RERE: variants seen among roughly 807,000 people sequenced by gnomAD.
RERE encodes arginine-glutamic acid dipeptide repeats protein.
In RERE, 40 loss-of-function variants were observed where a neutral mutation model predicts 146.1. The ratio of observed to expected loss-of-function variants is 0.27; its 90% CI spans 0.21 to 0.36. The LOEUF is 0.36. Among genes scored for constraint, RERE ranks in the 10% least tolerant of loss-of-function variants. The probability of loss-of-function intolerance (pLI) is 1.00; values close to 1 mark genes in which losing one functional copy is unlikely to be tolerated. For missense variants in RERE, 1,933 were observed against 2,138.7 expected (o/e 0.90, Z 1.90); for synonymous variants, 1,003 against 866.0 (o/e 1.16, Z -2.78).
At chr1:8,449,124 C>T (rs979153243) in intron 11 of RERE, among the ~76,000 whole-genome samples, 1 of 152,182 alleles carries the variant, frequency 6.6e-6, no homozygotes, top group African/African-American at 2.4e-5. Context: ...GGCCTCTCAA[C>T]ACAGTCAAGA....
chr1:8,720,368 A>C (rs1234651962), intron 1 of RERE, among the ~76,000 whole-genome samples: 1 of 152,198 alleles, frequency 6.6e-6, no homozygotes, highest in East Asian at 1.9e-4. Context: ...AGGGAGAAAC[A>C]AACAATAACC....
At chr1:8,393,965 G>C (rs1642969254) in intron 12 of RERE, among the ~76,000 whole-genome samples, 1 of 151,846 alleles carries the variant, frequency 6.6e-6, no homozygotes, top group African/African-American at 2.4e-5. Flanking sequence ...CATGAAGGCT[G>C]GCCACCTCCA....
chr1:8,452,130 C>G (rs1352364113), intron 11 of RERE, among the ~76,000 whole-genome samples: 1 of 152,086 alleles, frequency 6.6e-6, no homozygotes, highest in Non-Finnish European at 1.5e-5. Context: ...CGGTGAAATC[C>G]TATCCATCCT....
At chr1:8,540,131 T>C (rs1429602153) in intron 7 of RERE, among the ~76,000 whole-genome samples, 1 of 152,172 alleles carries the variant, frequency 6.6e-6, no homozygotes. Context: ...TGTCCCTCTG[T>C]CGCCCAGGCT....
rs756904865 is a variant in RERE at position 8,358,649 on chromosome 1, C to T, written c.3886G>A (p.Asp1296Asn). The T allele has an allele frequency of 1.3e-6, 2 of 1,584,840 alleles. No individual in the cohort carries two copies. The highest frequency in any genetic ancestry group is 1.7e-6 in the Non-Finnish European group (2 of 1,165,598). Residue 1296 changes from aspartate (D) to asparagine (N), a missense_variant, in exon 20 of 23, where the codon GAC (aspartate) becomes AAC (asparagine). Asp to Asn is a conservative substitution (Grantham distance 23). Coordinates refer to ENST00000400908, the MANE Select transcript of RERE (RefSeq NM_001042681.2). ...AYHMPGLYNV[D>N]PTIRERELRE... ...AGCTCCCGCTCGCGGATGGTGGGGT[C>T]GACGTTGTAGAGGCCAGGCATGTGG...
chr1:8,545,982 C>CTTTGTTTTTTTT (rs1645855241), intron 6 of RERE, among the ~76,000 whole-genome samples: 1 of 69,466 alleles, frequency 1.4e-5, no homozygotes, highest in Non-Finnish European at 2.5e-5. Flanking sequence ...CATACCCAGT[C>CTTTGTTTTTTTT]TTTTTTTTTT....
intron 6 of RERE, among the ~76,000 whole-genome samples, chr1:8,544,113 A>G (rs540836505): frequency 6.6e-6 from 1 of 152,334 alleles, no homozygotes; most frequent in East Asian, 1.9e-4. Flanking sequence ...ATTGGAAATA[A>G]TTGACTGGTT....
chr1:8,611,799 C>T (rs769223382), intron 4 of RERE, among the ~76,000 whole-genome samples: 5 of 152,174 alleles, frequency 3.3e-5, no homozygotes, highest in Admixed American at 6.5e-5. Flanking sequence ...CCTGCTTTGG[C>T]TAGAGCCTCT....
At chr1:8,637,959 C>T (rs534566555) in intron 2 of RERE, among the ~76,000 whole-genome samples, 49 of 152,114 alleles carry the variant, frequency 3.2e-4, no homozygotes, top group Admixed American at 6.6e-5. Flanking sequence ...CTGTTTAGAA[C>T]GGAGAATATT....
rs772665907 is a variant in RERE, at chr1:8,497,486, T to C, written c.923A>G (p.Asp308Gly). The part of the protein sequence containing the change: ...DLQPFPSPDG[D>G]TVTQHEELVW... ...CAGTTCCTCATGTTGGGTCACTGTA[T>C]CACCATCTGGAGAAGGAAATGGTTG... The change falls in exon 9 of 23, where the codon GAT becomes GGT. Residue 308 changes from aspartate (D) to glycine (G), a missense_variant. By Grantham distance (94) the Asp-to-Gly change is moderately conservative (BLOSUM62 -1). Around this residue, in one of 11 missense-constraint regions of RERE, gnomAD observed 260 missense variants for 378.4 expected, o/e 0.69. Transcript: ENST00000400908. The C allele has an allele frequency of 6.2e-7, 1 of 1,614,112 alleles. No homozygotes were observed. The highest frequency in any genetic ancestry group is 8.5e-7 in the Non-Finnish European group (1 of 1,179,988).
intron 2 of RERE, among the ~76,000 whole-genome samples, chr1:8,626,253 T>C (rs1307270334): frequency 6.6e-6 from 1 of 152,104 alleles, no homozygotes; most frequent in Admixed American, 6.5e-5. Context: ...CAACCCAAAG[T>C]TCTTAGTTTC....
At chr1:8,771,522 CAAA>C (rs34012848) in intron 1 of RERE, among the ~76,000 whole-genome samples, 5 of 127,960 alleles carry the variant, frequency 3.9e-5, no homozygotes, top group African/African-American at 5.6e-5. Context: ...AAACTTGTTT[CAAA>C]AAAAAAAAAA....
chr1:8,365,400 G>A (rs1414593815), intron 13 of RERE, among the ~76,000 whole-genome samples: 2 of 152,164 alleles, frequency 1.3e-5, no homozygotes, highest in Non-Finnish European at 2.9e-5. Context: ...TGGTGAAGCA[G>A]GAGGAAAAAG....
chr1:8,816,722 T>G (rs1465701503), intron 1 of RERE, among the ~76,000 whole-genome samples: 2 of 152,162 alleles, frequency 1.3e-5, no homozygotes, highest in African/African-American at 4.8e-5. Flanking sequence ...AACTAGAGAT[T>G]GGGAGCACAA....
intron 1 of RERE, among the ~76,000 whole-genome samples, chr1:8,685,465 TA>T (rs1639064891): frequency 6.6e-6 from 1 of 152,170 alleles, no homozygotes; most frequent in Non-Finnish European, 1.5e-5. Context: ...CTCACGCCTG[TA>T]ATCCCAGCAC....
chr1:8,743,166 T>C (rs1238281426), intron 1 of RERE, among the ~76,000 whole-genome samples: 1 of 152,040 alleles, frequency 6.6e-6, no homozygotes, highest in Admixed American at 6.6e-5. Context: ...GAGGCTAACA[T>C]GGGAAGACTG....
intron 15 of RERE, among the ~76,000 whole-genome samples, chr1:8,363,407 T>C (rs1429939455): frequency 6.6e-6 from 1 of 152,210 alleles, no homozygotes; most frequent in Admixed American, 6.5e-5. Context: ...CTGGTTGACC[T>C]GCTCCCTTCT....
chr1:8,759,838 T>TATAC (rs1553146162), intron 1 of RERE, among the ~76,000 whole-genome samples: 55 of 142,320 alleles, frequency 3.9e-4, no homozygotes, highest in African/African-American at 1.4e-3. Context: ...ACTCTCTCTA[T>TATAC]ACACACACAC....
intron 4 of RERE, among the ~76,000 whole-genome samples, chr1:8,574,340 CT>C (rs35921166): frequency 0.01 from 878 of 87,166 alleles, 2 homozygotes; most frequent in African/African-American, 0.033. Context: ...TATATATAGT[CT>C]TTTTTTTTTT....
Sources: allele counts gnomAD v4.1 joint callset (sites outside exome capture counted in the v4.1 genomes callset), GRCh38; gene constraint gnomAD v4.1.1; regional missense constraint gnomAD v4.1.1; transcripts MANE v1.5; gene names NCBI Gene and HGNC (gene_info 2026-07-23, HGNC 2026-07-21).